The following RBM46 variants were observed in gnomAD, a reference collection of about 807,000 sequenced individuals.
RBM46 encodes the protein probable RNA-binding protein 46.
A neutral mutation model predicts 43.3 loss-of-function variants in RBM46; 12 were observed. That is an observed-to-expected ratio of 0.28 (90% CI 0.18 to 0.45). RBM46 has a LOEUF of 0.45. Ranked by LOEUF, RBM46 falls within the 20% of genes least tolerant of loss-of-function variation. The pLI is 1.00. For synonymous variants in RBM46, 205 were observed against 207.6 expected, an observed-to-expected ratio of 0.99 and a Z score of 0.11; for missense variants, 412 against 639.1, an observed-to-expected ratio of 0.64 and a Z score of 3.83.
chr4:154,790,716 T>C (rs1231593863), intron 1 of RBM46, among the ~76,000 whole-genome samples: 1 of 152,230 alleles, frequency 6.6e-6, no homozygotes, highest in Non-Finnish European at 1.5e-5. Flanking sequence ...TCTGTTTATA[T>C]TTGGACAGAT....
chr4:154,786,223 A>C (rs1439461387), intron 1 of RBM46, among the ~76,000 whole-genome samples: 1 of 152,064 alleles, frequency 6.6e-6, no homozygotes, highest in African/African-American at 2.4e-5. Context: ...AGTAGCTGGG[A>C]TTACAGGCGC....
intron 4 of RBM46, among the ~76,000 whole-genome samples, chr4:154,808,056 ATTATGT>A (rs1734992724): frequency 6.6e-6 from 1 of 152,028 alleles, no homozygotes; most frequent in South Asian, 2.1e-4. Flanking sequence ...CTCTACTATA[ATTATGT>A]TTATAACTTT....
intron 1 of RBM46, among the ~76,000 whole-genome samples, chr4:154,782,743 A>G (rs1461685400): frequency 2.6e-5 from 4 of 152,112 alleles, no homozygotes; most frequent in African/African-American, 9.7e-5. Context: ...GGCCTCCCCA[A>G]GTGCTGGGAT....
intron 4 of RBM46, among the ~76,000 whole-genome samples, chr4:154,800,982 A>ATTTT (rs199743891): frequency 2.8e-5 from 4 of 143,484 alleles, no homozygotes; most frequent in East Asian, 4.1e-4. Context: ...AGTATTAGAA[A>ATTTT]TTTTTTTTTT....
intron 1 of RBM46, among the ~76,000 whole-genome samples, chr4:154,782,989 C>A (rs1733575669): frequency 6.6e-6 from 1 of 152,166 alleles, no homozygotes; most frequent in South Asian, 2.1e-4. Context: ...GACAGACTTC[C>A]ATTTGGATCT....
chr4:154,786,626 G>C (rs982739315), intron 1 of RBM46, among the ~76,000 whole-genome samples: 1 of 114,400 alleles, frequency 8.7e-6, no homozygotes, highest in Non-Finnish European at 1.7e-5. Context: ...TTAAATCTTC[G>C]GTTAAAAAAA....
chr4:154,812,489 T>A (rs1437638547), intron 4 of RBM46, among the ~76,000 whole-genome samples: 1 of 152,188 alleles, frequency 6.6e-6, no homozygotes, highest in Non-Finnish European at 1.5e-5. Flanking sequence ...GCAGATGATA[T>A]ATGTCTTTCC....
rs747663040 is a variant in RBM46, at chr4:154,798,767, A to T, written c.620-15A>T. 2.7e-5 allele frequency: 36 copies of T among 1,333,184 alleles called. No homozygotes were observed. The highest frequency in any genetic ancestry group is 3.2e-5 in the Non-Finnish European group (33 of 1,017,052). 82.6% of individuals were successfully genotyped at this position (1,333,184 alleles called of 1,614,324 possible). ...TTATTTTAATTCTCTTCAAATTATT[A>T]TTTTTTTTTTACAGGAACATTCCAA... On this transcript the variant is annotated splice_polypyrimidine_tract_variant and intron_variant, in intron 3 of 4. Transcript: ENST00000281722.
intron 4 of RBM46, among the ~76,000 whole-genome samples, chr4:154,803,652 G>C (rs13138983): frequency 0.26 from 32,823 of 128,058 alleles, 4,096 homozygotes; most frequent in Middle Eastern, 0.42. Context: ...GCAGTGAGCC[G>C]ACATCAAGCC....
intron 1 of RBM46, among the ~76,000 whole-genome samples, chr4:154,786,779 TAGCC>T (rs1355075116): frequency 6.6e-6 from 1 of 151,906 alleles, no homozygotes; most frequent in Non-Finnish European, 1.5e-5. Flanking sequence ...ATACAAAAAT[TAGCC>T]AGGCATGATG....
intron 1 of RBM46, among the ~76,000 whole-genome samples, chr4:154,782,571 C>T (rs910840941): frequency 5.2e-4 from 79 of 152,222 alleles, no homozygotes; most frequent in African/African-American, 8.9e-4. Flanking sequence ...GCAACTTCCG[C>T]CTACCGGGTT....
chr4:154,823,666 A>G (rs1422838887), intron 4 of RBM46, among the ~76,000 whole-genome samples: 1 of 151,988 alleles, frequency 6.6e-6, no homozygotes, highest in Non-Finnish European at 1.5e-5. Context: ...ACATTGAAGC[A>G]ATATATCTAT....
chr4:154,813,287 A>G (rs1425350227), intron 4 of RBM46, among the ~76,000 whole-genome samples: 2 of 152,154 alleles, frequency 1.3e-5, no homozygotes, highest in Non-Finnish European at 2.9e-5. Flanking sequence ...ATATCTGTGT[A>G]TATGTCACCA....
intron 1 of RBM46, among the ~76,000 whole-genome samples, chr4:154,796,529 TA>T (rs1734361210): frequency 6.6e-6 from 1 of 152,190 alleles, no homozygotes; most frequent in Non-Finnish European, 1.5e-5. Flanking sequence ...TTAGGCCTTC[TA>T]AAGGTACTGC....
In RBM46 at chr4:154,828,296, C is replaced by T; in HGVS notation, c.*229C>T. The T allele has an allele frequency of 2.1e-6, 1 of 485,376 alleles. No individual in the cohort carries two copies. The highest frequency in any genetic ancestry group is 2.7e-5 in the South Asian group (1 of 36,536). The allele number at this position is 485,376 out of a possible 1,614,324, so 30.1% of individuals were successfully genotyped here. ...GTGGTTTCTCTTGATAAAGGTACAG[C>T]AAACTACTATTCTTTTTAAACTTCT... On this transcript the variant is annotated 3_prime_UTR_variant, in exon 5 of 5. Coordinates refer to ENST00000281722, the MANE Select transcript of RBM46 (RefSeq NM_144979.5).
intron 1 of RBM46, among the ~76,000 whole-genome samples, chr4:154,783,696 G>A (rs543987068): frequency 3.9e-5 from 6 of 152,228 alleles, no homozygotes; most frequent in African/African-American, 1.4e-4. Flanking sequence ...TTTTTTAAAA[G>A]TATTAGTTAC....
chr4:154,824,437 GAAACAACC>G (rs1735861031), intron 4 of RBM46, among the ~76,000 whole-genome samples: 1 of 151,962 alleles, frequency 6.6e-6, no homozygotes, highest in African/African-American at 2.4e-5. Context: ...ATAAAACTTA[GAAACAACC>G]CAGATATTCA....
At chr4:154,802,161 C>T (rs1303162256) in intron 4 of RBM46, among the ~76,000 whole-genome samples, 1 of 152,140 alleles carries the variant, frequency 6.6e-6, no homozygotes, top group Non-Finnish European at 1.5e-5. Flanking sequence ...TGGACAGTAA[C>T]ACAGAAATCC....
chr4:154,786,237 C>A (rs1733758093), intron 1 of RBM46, among the ~76,000 whole-genome samples: 1 of 152,108 alleles, frequency 6.6e-6, no homozygotes, highest in Non-Finnish European at 1.5e-5. Context: ...CAGGCGCATG[C>A]CACCATGCCT....
Sources: allele counts gnomAD v4.1 joint callset (sites outside exome capture counted in the v4.1 genomes callset), GRCh38; gene constraint gnomAD v4.1.1; transcripts MANE v1.5; gene names NCBI Gene and HGNC (gene_info 2026-07-23, HGNC 2026-07-21).